ZMYM2: variants seen among roughly 807,000 people sequenced by gnomAD.
The protein encoded by ZMYM2 is zinc finger MYM-type protein 2.
In ZMYM2, 56 loss-of-function variants were observed where a neutral mutation model predicts 162.8. The ratio of observed to expected loss-of-function variants is 0.34; its 90% CI spans 0.28 to 0.43. ZMYM2 has a LOEUF of 0.43. ZMYM2 is among the 20% of genes least tolerant of loss of function. The pLI, the probability that ZMYM2 is intolerant of heterozygous loss-of-function variation, is 1.00. For missense variants in ZMYM2, 1,275 were observed against 1,621.8 expected (o/e 0.79, Z 3.67); for synonymous variants, 510 against 541.6 (o/e 0.94, Z 0.81).
chr13:19,917,110 C>T, the ZMYM2 span, among the ~76,000 whole-genome samples: 1 of 152,036 alleles, frequency 6.6e-6, no homozygotes, highest in Non-Finnish European at 1.5e-5. Context: ...CTACAGGCGC[C>T]CGCCACGACG....
the ZMYM2 span, among the ~76,000 whole-genome samples, chr13:19,946,479 A>T: frequency 6.6e-6 from 1 of 152,370 alleles, no homozygotes; most frequent in East Asian, 1.9e-4. Context: ...TTACTTCTTC[A>T]GAAAAGTGTT....
the ZMYM2 span, among the ~76,000 whole-genome samples, chr13:19,906,486 C>T: frequency 1.5e-4 from 22 of 148,280 alleles, no homozygotes; most frequent in Non-Finnish European, 2.2e-4. Context: ...GAAGAACTAA[C>T]GTCTACCATT....
chr13:19,958,676 C>G (rs906752594), upstream of ZMYM2: 1 of 153,928 alleles, frequency 6.5e-6, no homozygotes, highest in Non-Finnish European at 1.4e-5. Context: ...AATGAGCGCG[C>G]GGAGGGCGGG....
chr13:20,067,449 C>T (rs1003903497), intron 21 of ZMYM2, 59 bp downstream of exon 21: 56 of 1,473,878 alleles, frequency 3.8e-5, no homozygotes, highest in Non-Finnish European at 4.7e-5. Context: ...TGTGGTAGTT[C>T]TTGTTTCTGT....
rs200592124 is a variant in ZMYM2, at chr13:20,052,311, A to G, written c.2493A>G (p.Thr831=). 203 of 1,571,458 alleles carry G rather than the reference A, an allele frequency of 1.3e-4. No individual in the cohort carries two copies. The African/African-American group carries it at 2.5e-3, about 19-fold the overall frequency. ...GTCAGACATCTCGAACCAAAATGAC[A>G]GTAAGTATTGGTGAAATGGAGTGCT... ...QGCQTSRTKM[T]GSAPPPSPTP... Residue 831 remains threonine (T), a splice_region_variant and synonymous_variant, in exon 14 of 25, where the codon ACA becomes ACG. Transcript: ENST00000610343.
rs546642287 is a variant in ZMYM2, at chr13:20,086,965, A to G, written c.*951A>G. 8.8e-5 allele frequency: 16 copies of G among 181,910 alleles called. No homozygotes were observed. The East Asian group carries it at 1.4e-3, about 16-fold the overall frequency. 11.3% of individuals were successfully genotyped at this position (181,910 alleles called of 1,614,324 possible). A position where few individuals can be genotyped will look rare whatever the true frequency, so the allele number is the denominator to read the frequency against. On this transcript the variant is annotated 3_prime_UTR_variant, in exon 25 of 25. Transcript: ENST00000610343. ...CTTTTTTTCCCTCTTAAGGATACAG[A>G]TCATGCTGCAATGTTAGCTGTGTAG...
chr13:19,978,297 T>C (rs975318057), intron 2 of ZMYM2, among the ~76,000 whole-genome samples: 1 of 152,238 alleles, frequency 6.6e-6, no homozygotes, highest in African/African-American at 2.4e-5. Context: ...TAACTTGGTT[T>C]CAGAAGTATA....
At chr13:20,074,343 TG>T (rs886581168) in intron 21 of ZMYM2, among the ~76,000 whole-genome samples, 89 of 151,732 alleles carry the variant, frequency 5.9e-4, no homozygotes, top group African/African-American at 2.1e-3. Flanking sequence ...GTGATCCTCC[TG>T]CCTCAGCCCT....
chr13:19,883,726 C>G, the ZMYM2 span, among the ~76,000 whole-genome samples: 1 of 152,108 alleles, frequency 6.6e-6, no homozygotes, highest in Admixed American at 6.6e-5. Context: ...ACTCTTACTT[C>G]AAGATGTTTG....
intron 1 of ZMYM2, 189 bp from the exon 2 acceptor site, chr13:19,959,769 T>G (rs1020987855): frequency 6.6e-6 from 1 of 152,286 alleles, no homozygotes; most frequent in Non-Finnish European, 1.5e-5. Flanking sequence ...GCCCCAAATA[T>G]GTATTTTGCG....
At chr13:19,899,888 G>T in the ZMYM2 span, among the ~76,000 whole-genome samples, 1 of 139,606 alleles carries the variant, frequency 7.2e-6, no homozygotes. Flanking sequence ...TCTTTGAAAA[G>T]ATCAACAAAA....
chr13:20,006,281 T>TAAGAA lies in ZMYM2; in HGVS notation c.1300-93_1300-92insAAGAA, dbSNP rs1950743032. 3.8e-6 allele frequency: 5 copies of TAAGAA among 1,298,824 alleles called. No homozygotes were observed. The South Asian group carries it at 8.2e-5, about 21-fold the overall frequency. 80.5% of individuals were successfully genotyped at this position (1,298,824 alleles called of 1,614,324 possible). ...TTTCCTTTTCTCCAAACAAGCCTTATTAGGACATCTTTATTTCTGTTCAGA... is the reference window on the plus strand; with the variant it reads ...TTTCCTTTTCTCCAAACAAGCCTTATAAGAATAGGACATCTTTATTTCTGTTCAGA... On this transcript the variant is annotated intron_variant, in intron 5 of 24. Coordinates refer to ENST00000610343, the MANE Select transcript of ZMYM2 (RefSeq NM_197968.4).
At chr13:20,084,666 T>C (rs1054757836) in intron 24 of ZMYM2, among the ~76,000 whole-genome samples, 1 of 152,202 alleles carries the variant, frequency 6.6e-6, no homozygotes, top group Admixed American at 6.5e-5. Flanking sequence ...GAATTTTTTT[T>C]CCCCTCAATC....
chr13:19,950,049 G>A, the ZMYM2 span, among the ~76,000 whole-genome samples: 1 of 151,792 alleles, frequency 6.6e-6, no homozygotes, highest in Admixed American at 6.6e-5. Context: ...TAGGTGGGAG[G>A]ATTACTTAAA....
chr13:19,993,438 A>G lies in ZMYM2; in HGVS notation c.366A>G (p.Glu122=). The G allele has an allele frequency of 3.1e-6, 5 of 1,613,988 alleles. No homozygotes were observed. Among genetic ancestry groups the G allele is most frequent in the Non-Finnish European group, 4.2e-6 (5 of 1,179,910 alleles). ...SVSETIVIDD[E]EDMETNQGQE... is the part of the protein sequence containing the mutation. ...GTGAGACAATTGTCATTGATGATGA[A>G]GAGGACATGGAAACAAATCAAGGGC... Residue 122 remains glutamate, a synonymous_variant, in exon 3 of 25, where the codon GAA becomes GAG. Coordinates refer to ENST00000610343, the MANE Select transcript of ZMYM2 (RefSeq NM_197968.4).
chr13:19,894,219 A>C, the ZMYM2 span, among the ~76,000 whole-genome samples: 4 of 151,952 alleles, frequency 2.6e-5, no homozygotes, highest in African/African-American at 9.7e-5. Context: ...ACACCAGTAC[A>C]CTTAACCTAC....
intron 21 of ZMYM2, among the ~76,000 whole-genome samples, chr13:20,068,659 A>G (rs536478847): frequency 6.6e-6 from 1 of 152,248 alleles, no homozygotes; most frequent in African/African-American, 2.4e-5. Flanking sequence ...GACTAGGAGT[A>G]GCATTTATAC....
the ZMYM2 span, among the ~76,000 whole-genome samples, chr13:19,877,765 T>C: frequency 1.3e-5 from 2 of 152,230 alleles, no homozygotes; most frequent in African/African-American, 4.8e-5. Context: ...ACTGTATGTA[T>C]GTACCACATC....
At chr13:20,074,195 T>TG (rs1957303912) in intron 21 of ZMYM2, among the ~76,000 whole-genome samples, 3 of 108,332 alleles carry the variant, frequency 2.8e-5, no homozygotes, top group Non-Finnish European at 3.9e-5. Context: ...TATGTCAGAA[T>TG]TTGTGTGTGT....
Sources: gnomAD v4.1 joint callset for allele counts (sites outside exome capture counted in the v4.1 genomes callset) on GRCh38, gnomAD v4.1.1 for gene constraint, MANE v1.5 for transcripts, NCBI Gene and HGNC (gene_info 2026-07-23, HGNC 2026-07-21) for gene names.